The following RPRD2 variants were observed in gnomAD, a reference collection of about 807,000 sequenced individuals.
RPRD2 encodes the protein regulation of nuclear pre-mRNA domain containing 2, also known as regulation of nuclear pre-mRNA domain-containing protein 2.
Under a neutral mutation model 104.4 loss-of-function variants are expected in RPRD2, and 12 were observed. That is an observed-to-expected ratio of 0.11 (90% CI 0.07 to 0.19). RPRD2 has a LOEUF of 0.19. Ranked by LOEUF, RPRD2 falls within the 10% of genes least tolerant of loss-of-function variation. The probability of loss-of-function intolerance (pLI) is 1.00; values close to 1 mark genes in which losing one functional copy is unlikely to be tolerated. For missense variants in RPRD2, 1,543 were observed against 1,790.1 expected (o/e 0.86, Z 2.49); for synonymous variants, 714 against 684.9 (o/e 1.04, Z -0.66).
chr1:150,375,777 T>G (rs1260459), intron 1 of RPRD2, among the ~76,000 whole-genome samples: 49,972 of 152,046 alleles, frequency 0.33, 8,940 homozygotes, highest in Non-Finnish European at 0.4. Context: ...GTCAGTTGTT[T>G]TAAAATTTCA....
chr1:150,403,999 A>G (rs1486846377), intron 1 of RPRD2, among the ~76,000 whole-genome samples: 1 of 152,168 alleles, frequency 6.6e-6, no homozygotes, highest in Admixed American at 6.6e-5. Context: ...ATTATAGACA[A>G]ATAAATGTTC....
intron 1 of RPRD2, among the ~76,000 whole-genome samples, chr1:150,416,358 A>C (rs1664326962): frequency 6.6e-6 from 1 of 152,178 alleles, no homozygotes; most frequent in Non-Finnish European, 1.5e-5. Context: ...CAAGTATAAT[A>C]GGAGTGGGAG....
chr1:150,412,542 A>G (rs1412976358), intron 1 of RPRD2, among the ~76,000 whole-genome samples: 2 of 152,186 alleles, frequency 1.3e-5, no homozygotes, highest in Non-Finnish European at 2.9e-5. Flanking sequence ...TAAAAGAGAA[A>G]ACACAAGGTA....
chr1:150,404,177 G>A (rs138949772), intron 1 of RPRD2, among the ~76,000 whole-genome samples: 57 of 152,260 alleles, frequency 3.7e-4, no homozygotes, highest in African/African-American at 1.3e-3. Flanking sequence ...TTTTATTAAC[G>A]CGTGTTTTGT....
rs1553888824 is a variant in RPRD2 at position 150,417,671 on chromosome 1, T to A, written c.281T>A (p.Ile94Asn). ...CAGAACTGTAAAAGGAAAAATGCAA[T>A]CATATTCCGTGAATCATTTGCTGAT... The part of the protein sequence containing the change: ...VIQNCKRKNA[I>N]IFRESFADVL... Residue 94 changes from isoleucine to asparagine, a missense_variant, in exon 2 of 11, where the codon ATC (isoleucine) becomes AAC (asparagine). By Grantham distance (149) the Ile-to-Asn change is moderately radical (BLOSUM62 -3). Around this residue, in one of 4 missense-constraint regions of RPRD2, gnomAD observed 572 missense variants for 787.3 expected, o/e 0.73. Coordinates refer to ENST00000369068, the MANE Select transcript of RPRD2 (RefSeq NM_015203.5). 3 of 1,609,208 alleles carry A rather than the reference T, an allele frequency of 1.9e-6. No homozygotes were observed. Among genetic ancestry groups the A allele is most frequent in the Non-Finnish European group, 8.5e-7 (1 of 1,176,712 alleles).
chr1:150,441,106 A>G, intron 3 of RPRD2, 83 bp downstream of exon 3: 1 of 642,776 alleles, frequency 1.6e-6, no homozygotes, highest in Non-Finnish European at 2.7e-6. Flanking sequence ...GTCATGTTGT[A>G]TAATAGTGAA....
intron 1 of RPRD2, among the ~76,000 whole-genome samples, chr1:150,394,366 A>G (rs587686886): frequency 6.6e-6 from 1 of 151,990 alleles, no homozygotes; most frequent in East Asian, 1.9e-4. Flanking sequence ...AAGTTTTTTT[A>G]AGATATAATG....
intron 1 of RPRD2, among the ~76,000 whole-genome samples, chr1:150,388,615 AAT>A (rs1491248640): frequency 1.2e-3 from 169 of 138,240 alleles, no homozygotes; most frequent in African/African-American, 4.8e-3. Context: ...ATTGATATGT[AAT>A]TTTTTTTTTT....
intron 8 of RPRD2, 66 bp downstream of exon 8, chr1:150,457,636 C>T (rs782459561): frequency 3.3e-5 from 42 of 1,285,032 alleles, no homozygotes; most frequent in Non-Finnish European, 4.7e-5. Flanking sequence ...GCAATGAATA[C>T]ATCACAGGCA....
intron 10 of RPRD2, among the ~76,000 whole-genome samples, chr1:150,469,690 G>C (rs745998597): frequency 1.3e-5 from 2 of 152,110 alleles, no homozygotes; most frequent in African/African-American, 4.8e-5. Flanking sequence ...TTCTACAGGA[G>C]CAGTTTGCTT....
intron 2 of RPRD2, among the ~76,000 whole-genome samples, chr1:150,435,727 AAGCAGCAAGTGCTGATGTAGAAGC>A (rs1229632006): frequency 6.6e-6 from 1 of 152,250 alleles, no homozygotes; most frequent in Non-Finnish European, 1.5e-5. Context: ...GTGTAAGATG[AAGCAGCAAGTGCTGATGTAGAAGC>A]AGCAGCAAGT....
chr1:150,442,738 A>G (rs1666490674), intron 4 of RPRD2, among the ~76,000 whole-genome samples: 1 of 152,242 alleles, frequency 6.6e-6, no homozygotes, highest in Non-Finnish European at 1.5e-5. Flanking sequence ...CCACCACAGT[A>G]TTAATATACC....
In RPRD2 at chr1:150,364,742, A is replaced by C; in HGVS notation, c.28A>C (p.Ser10Arg). 1.3e-6 allele frequency: 2 copies of C among 1,590,322 alleles called. No homozygotes were observed. Among genetic ancestry groups the C allele is most frequent in the Non-Finnish European group, 1.7e-6 (2 of 1,168,156 alleles). Residue 10 changes from serine to arginine, a missense_variant, in exon 1 of 11, where the codon AGT (serine) becomes CGT (arginine). This residue lies in a region of RPRD2 where 88 missense variants were observed against 96.6 expected (regional missense o/e 0.91). Coordinates refer to ENST00000369068, the MANE Select transcript of RPRD2 (RefSeq NM_015203.5). ...GGCGGCCGGCGGCGGCGGAGGCAGC[A>C]GTAAGGCCTCCTCCTCGTCGGCCTC... Reference protein sequence around the residue: MAAGGGGGSSKASSSSASSA... With the variant: MAAGGGGGSRKASSSSASSA...
intron 10 of RPRD2, among the ~76,000 whole-genome samples, chr1:150,465,919 TGTG>T (rs1249573121): frequency 6.8e-6 from 1 of 146,350 alleles, no homozygotes; most frequent in Non-Finnish European, 1.5e-5. Flanking sequence ...ATTAGCCAGG[TGTG>T]GTGACACACA....
chr1:150,448,992 C>T (rs1271748370), intron 7 of RPRD2, among the ~76,000 whole-genome samples: 13 of 152,238 alleles, frequency 8.5e-5, no homozygotes, highest in East Asian at 5.8e-4. Flanking sequence ...AGGCTGGGCA[C>T]AGTGGCTCAT....
chr1:150,436,013 A>G (rs1239168624), intron 2 of RPRD2, among the ~76,000 whole-genome samples: 2 of 152,074 alleles, frequency 1.3e-5, no homozygotes, highest in Non-Finnish European at 2.9e-5. Flanking sequence ...ATTATGCTAA[A>G]TCTATTCTGT....
At chr1:150,394,319 G>A (rs903598277) in intron 1 of RPRD2, among the ~76,000 whole-genome samples, 1 of 152,096 alleles carries the variant, frequency 6.6e-6, no homozygotes, top group African/African-American at 2.4e-5. Flanking sequence ...CAAAGTGCTG[G>A]GTTTACAGGC....
intron 9 of RPRD2, among the ~76,000 whole-genome samples, 165 bp from the exon 10 acceptor site, chr1:150,464,362 G>GTTT (rs34642023): frequency 0.012 from 1,599 of 131,040 alleles, 53 homozygotes; most frequent in African/African-American, 0.042. Context: ...TCTTTTCAGG[G>GTTT]TTTTTTTTTT....
intron 1 of RPRD2, among the ~76,000 whole-genome samples, chr1:150,415,331 AAATAAT>A (rs143989499): frequency 2.1e-4 from 32 of 150,192 alleles, no homozygotes; most frequent in African/African-American, 7.3e-4. Context: ...ACTGTCTCAA[AAATAAT>A]AATAATAATA....
Sources: gnomAD v4.1 joint callset for allele counts (sites outside exome capture counted in the v4.1 genomes callset) on GRCh38, gnomAD v4.1.1 for gene constraint, gnomAD v4.1.1 regional missense constraint, MANE v1.5 for transcripts, NCBI Gene and HGNC (gene_info 2026-07-23, HGNC 2026-07-21) for gene names.